Variants in PLCL1 observed in about 807,000 individuals in gnomAD.
PLCL1 encodes inactive phospholipase C-like protein 1.
A neutral mutation model predicts 84.4 loss-of-function variants in PLCL1; 41 were observed. The observed-to-expected ratio is 0.49, with a 90% confidence interval of 0.38 to 0.63. PLCL1 has a LOEUF of 0.63. Among genes scored for constraint, PLCL1 ranks in the 30% least tolerant of loss-of-function variants. The pLI is 0.00. For synonymous variants in PLCL1, 490 were observed against 488.3 expected, an observed-to-expected ratio of 1.00 and a Z score of -0.05; for missense variants, 1,206 against 1,367.8, an observed-to-expected ratio of 0.88 and a Z score of 1.87.
At chr2:197,881,237 C>T (rs1399188464) in intron 1 of PLCL1, among the ~76,000 whole-genome samples, 1 of 152,136 alleles carries the variant, frequency 6.6e-6, no homozygotes. Flanking sequence ...GGTTTCAGCA[C>T]CTTGCGAGGC....
chr2:197,855,115 T>C (rs1687305640), intron 1 of PLCL1, among the ~76,000 whole-genome samples: 1 of 152,208 alleles, frequency 6.6e-6, no homozygotes, highest in Non-Finnish European at 1.5e-5. Context: ...TTTCCTCATT[T>C]AGTTTAAGGA....
At chr2:197,899,638 T>TG (rs1688223021) in intron 1 of PLCL1, among the ~76,000 whole-genome samples, 4 of 146,028 alleles carry the variant, frequency 2.7e-5, no homozygotes, top group African/African-American at 1.0e-4. Context: ...GTTCTTTCTT[T>TG]CTTTTTTTTT....
chr2:198,053,619 G>C lies in PLCL1; in HGVS notation c.241-30139G>C, dbSNP rs74614346. ...TTCCCTCTTTTTAGAATGTTGGAGTGGTTCCTATTTCCCTCATTGGACCCT... is the reference window on the plus strand; with the variant it reads ...TTCCCTCTTTTTAGAATGTTGGAGTCGTTCCTATTTCCCTCATTGGACCCT... On this transcript the variant is annotated intron_variant, in intron 1 of 5. Transcript: ENST00000428675. 9.1e-3 allele frequency among the ~76,000 whole-genome samples: 1,393 copies of C among 152,278 alleles called. 24 individuals carry two copies. Among genetic ancestry groups the C allele is most frequent in the African/African-American group, 0.032 (1,328 of 41,544 alleles).
intron 5 of PLCL1, among the ~76,000 whole-genome samples, chr2:198,145,776 C>T (rs1376797085): frequency 1.3e-5 from 2 of 152,194 alleles, no homozygotes; most frequent in Non-Finnish European, 1.5e-5. Context: ...AAGGAAAAAG[C>T]ATTTACTGGC....
At chr2:198,020,697 A>T (rs1463413362) in intron 1 of PLCL1, among the ~76,000 whole-genome samples, 4 of 152,210 alleles carry the variant, frequency 2.6e-5, no homozygotes, top group Non-Finnish European at 4.4e-5. Context: ...AGAGGAGCTA[A>T]CTAGCCTAAA....
intron 1 of PLCL1, among the ~76,000 whole-genome samples, chr2:197,971,197 G>C (rs1206915825): frequency 2.0e-5 from 3 of 152,182 alleles, no homozygotes; most frequent in Non-Finnish European, 4.4e-5. Context: ...CCCTTTGCAT[G>C]GGGCCTTGTG....
At chr2:198,035,826 G>C (rs189469571) in intron 1 of PLCL1, among the ~76,000 whole-genome samples, 17 of 152,336 alleles carry the variant, frequency 1.1e-4, no homozygotes, top group Admixed American at 2.6e-4. Flanking sequence ...CCTGAGGTCA[G>C]GAGTTTGAGA....
At chr2:198,038,161 T>TAGAG in intron 1 of PLCL1, among the ~76,000 whole-genome samples, 1 of 152,156 alleles carries the variant, frequency 6.6e-6, no homozygotes, top group Middle Eastern at 3.4e-3. Context: ...GCTTTTGTTC[T>TAGAG]AGAGAGAGAG....
At chr2:198,114,631 T>C (rs1693695069) in intron 5 of PLCL1, among the ~76,000 whole-genome samples, 1 of 151,872 alleles carries the variant, frequency 6.6e-6, no homozygotes, top group African/African-American at 2.4e-5. Flanking sequence ...AAGAAAACAT[T>C]GATAACCAAA....
intron 1 of PLCL1, among the ~76,000 whole-genome samples, chr2:197,957,312 C>T (rs1280833733): frequency 6.6e-6 from 1 of 151,974 alleles, no homozygotes; most frequent in African/African-American, 2.4e-5. Context: ...CTTTTTGAGG[C>T]AGAGGCCATG....
At position 198,085,227 on chromosome 2, in the gene PLCL1, A is replaced by G. The variant is rs766894116; in HGVS notation, c.1710A>G (p.Val570=). The G allele has an allele frequency of 8.1e-6, 13 of 1,614,028 alleles. No individual in the cohort carries two copies. In the Admixed American group the frequency reaches 2.2e-4, roughly 27 times the overall value. ...CTGAAATGTCTCGAAGGATGTCGGT[A>G]GATTACAATGGTGAGCAGAAGCAAA... ...EEAEMSRRMS[V]DYNGEQKQIR... Residue 570 remains valine (V), a synonymous_variant, in exon 2 of 6, where the codon GTA becomes GTG. Coordinates refer to ENST00000428675, the MANE Select transcript of PLCL1 (RefSeq NM_006226.4). This position sits in a 1 kb window ranked among gnomAD's most constrained non-coding sequence, Gnocchi z 5.3.
At chr2:197,959,660 C>G (rs1335427605) in intron 1 of PLCL1, among the ~76,000 whole-genome samples, 2 of 151,780 alleles carry the variant, frequency 1.3e-5, no homozygotes, top group Non-Finnish European at 2.9e-5. Context: ...TTTAAAGCAA[C>G]CAGTGTTTAA....
chr2:197,914,777 A>T (rs1688559404), intron 1 of PLCL1, among the ~76,000 whole-genome samples: 1 of 152,198 alleles, frequency 6.6e-6, no homozygotes, highest in South Asian at 2.1e-4. Context: ...GGTTACAGAG[A>T]TGAGAGGACA....
intron 1 of PLCL1, among the ~76,000 whole-genome samples, chr2:198,021,817 C>T (rs1691140526): frequency 1.3e-5 from 2 of 152,130 alleles, no homozygotes; most frequent in Admixed American, 1.3e-4. Flanking sequence ...ATCAGAGGTA[C>T]AAAGACAAGC....
chr2:198,058,744 C>G (rs7600269), intron 1 of PLCL1, among the ~76,000 whole-genome samples: 110,125 of 151,900 alleles, frequency 0.72, 40,789 homozygotes, highest in African/African-American at 0.87. Context: ...AGGTCAGTTT[C>G]AAAAATTCTC....
rs151084381 is a variant in PLCL1 at position 197,958,899 on chromosome 2, C to A, written c.241-124859C>A. Among the ~76,000 whole-genome samples the A allele has an allele frequency of 8.1e-4, 95 of 117,956 alleles. 3 individuals carry two copies. The South Asian group carries it at 0.019, about 24-fold the overall frequency. 77.4% of individuals were successfully genotyped at this position (117,956 alleles called of 152,430 possible). ...AGGCATTTTGGTTTCGGAATCTGTG[C>A]TCTTGTGCACTAATCTGTATTGCCT... On this transcript the variant is annotated intron_variant, in intron 1 of 5. Transcript: ENST00000428675.
intron 1 of PLCL1, among the ~76,000 whole-genome samples, chr2:197,868,283 G>A (rs554816963): frequency 3.9e-5 from 6 of 152,188 alleles, no homozygotes; most frequent in Admixed American, 3.9e-4. Context: ...ATTTACTAAT[G>A]GTAGATTACT....
intron 1 of PLCL1, among the ~76,000 whole-genome samples, chr2:197,865,737 A>T (rs1462695585): frequency 6.6e-6 from 1 of 151,870 alleles, no homozygotes; most frequent in East Asian, 1.9e-4. Context: ...TTTAAGCTGG[A>T]CATAGTGGCT....
At chr2:197,859,579 C>A (rs971504911) in intron 1 of PLCL1, among the ~76,000 whole-genome samples, 1 of 152,108 alleles carries the variant, frequency 6.6e-6, no homozygotes, top group Admixed American at 6.6e-5. Context: ...TACAACAATG[C>A]TCCCATAAGA....
Sources: allele counts gnomAD v4.1 joint callset (sites outside exome capture counted in the v4.1 genomes callset), GRCh38; gene constraint gnomAD v4.1.1; non-coding constraint Gnocchi (gnomAD v3.1); transcripts MANE v1.5; gene names NCBI Gene and HGNC (gene_info 2026-07-23, HGNC 2026-07-21).